CACNB2: variants seen among roughly 807,000 people sequenced by gnomAD.
CACNB2 encodes voltage-dependent L-type calcium channel subunit beta-2.
In CACNB2, 42 loss-of-function variants were observed where a neutral mutation model predicts 73.3. The observed-to-expected ratio is 0.57, with a 90% CI of 0.45 to 0.74. CACNB2 has a LOEUF of 0.74. CACNB2 is among the 30% of genes least tolerant of loss of function. The pLI is 0.00. For synonymous variants in CACNB2, 348 were observed against 310.3 expected (o/e 1.12, Z -1.28); for missense variants, 940 against 853.0 (o/e 1.10, Z -1.27).
chr10:18,463,360 T>TA (rs2047684181), intron 3 of CACNB2, among the ~76,000 whole-genome samples: 1 of 145,216 alleles, frequency 6.9e-6, no homozygotes, highest in African/African-American at 2.7e-5. Context: ...CTCTTATCTA[T>TA]TAAAAAAAAA....
In CACNB2 at chr10:18,396,381, T is replaced by A. The variant is rs570964301; in HGVS notation, c.214-5543T>A. 3.3e-5 allele frequency among the ~76,000 whole-genome samples: 5 copies of A among 152,300 alleles called. No individual in the cohort carries two copies. In the East Asian group the frequency reaches 9.6e-4, roughly 29 times the overall value. On this transcript the variant is annotated intron_variant, in intron 2 of 13. Coordinates refer to ENST00000324631, the MANE Select transcript of CACNB2 (RefSeq NM_201596.3). ...ACTGTGAAAAGAGATGACAACACCA[T>A]GAAAAATGAAAGAATTATCTCCCTT...
chr10:18,368,053 T>C (rs1270703628), intron 2 of CACNB2, among the ~76,000 whole-genome samples: 58 of 152,150 alleles, frequency 3.8e-4, no homozygotes, highest in Non-Finnish European at 2.9e-5. Context: ...CTTTTTGTCA[T>C]ATGGCCAGGA....
chr10:18,266,877 A>G (rs1043540320), intron 2 of CACNB2, among the ~76,000 whole-genome samples: 14 of 152,238 alleles, frequency 9.2e-5, no homozygotes, highest in African/African-American at 3.4e-4. Context: ...GAGACAGACG[A>G]GACTCTATCT....
chr10:18,303,595 C>T (rs1184280664), intron 2 of CACNB2, among the ~76,000 whole-genome samples: 2 of 152,174 alleles, frequency 1.3e-5, no homozygotes, highest in East Asian at 3.8e-4. Context: ...TTCATAAGAG[C>T]CAGTACTGAA....
At chr10:18,408,103 A>T (rs1042963031) in intron 3 of CACNB2, among the ~76,000 whole-genome samples, 13 of 152,292 alleles carry the variant, frequency 8.5e-5, no homozygotes, top group African/African-American at 2.6e-4. Flanking sequence ...AAACTGAGTT[A>T]TCCTGTAGGA....
intron 2 of CACNB2, among the ~76,000 whole-genome samples, chr10:18,395,782 A>G (rs1453633818): frequency 6.6e-6 from 1 of 152,210 alleles, no homozygotes; most frequent in Non-Finnish European, 1.5e-5. Context: ...ACACTCAGCT[A>G]AATGATAGGT....
Position 18,383,318 on chromosome 10 carries a change from C to T in CACNB2, c.214-18606C>T, listed in dbSNP as rs140718631. Among the ~76,000 whole-genome samples the T allele has an allele frequency of 3.3e-3, 508 of 152,266 alleles. 1 individual carries two copies. The highest frequency in any genetic ancestry group is 0.012 in the African/African-American group (487 of 41,550). On this transcript the variant is annotated intron_variant, in intron 2 of 13. Coordinates refer to ENST00000324631, the MANE Select transcript of CACNB2 (RefSeq NM_201596.3). Reference sequence around the variant, plus strand: ...CTAGATAGAGGAATGAAACGATCTGCTGTATGTCTGAAGATGAACCTGGCC... The same window carrying T: ...CTAGATAGAGGAATGAAACGATCTGTTGTATGTCTGAAGATGAACCTGGCC...
At chr10:18,424,977 G>T (rs12765367) in intron 3 of CACNB2, among the ~76,000 whole-genome samples, 2 of 152,114 alleles carry the variant, frequency 1.3e-5, no homozygotes, top group Admixed American at 1.3e-4. Flanking sequence ...ATTAGCAGTG[G>T]AATTGTAGGT....
At chr10:18,192,645 C>T (rs1482915232) in intron 2 of CACNB2, among the ~76,000 whole-genome samples, 2 of 152,130 alleles carry the variant, frequency 1.3e-5, no homozygotes, top group African/African-American at 4.8e-5. Context: ...TCTTCCTATC[C>T]TTCCCATCCC....
chr10:18,187,201 G>A (rs1191238522), intron 2 of CACNB2, among the ~76,000 whole-genome samples: 1 of 152,176 alleles, frequency 6.6e-6, no homozygotes, highest in Non-Finnish European at 1.5e-5. Flanking sequence ...GTGAGTCTGG[G>A]CAGCAGGAGT....
At chr10:18,300,641 G>A (rs965370864) in intron 2 of CACNB2, among the ~76,000 whole-genome samples, 4 of 152,128 alleles carry the variant, frequency 2.6e-5, no homozygotes, top group Non-Finnish European at 5.9e-5. Flanking sequence ...ACGAGGTCAG[G>A]AGTTCAAGAC....
chr10:18,455,596 TA>T (rs2047239386), intron 3 of CACNB2, among the ~76,000 whole-genome samples: 1 of 152,232 alleles, frequency 6.6e-6, no homozygotes, highest in African/African-American at 2.4e-5. Flanking sequence ...AAGGAGTTTT[TA>T]GTAATGGAAC....
intron 3 of CACNB2, among the ~76,000 whole-genome samples, chr10:18,472,967 C>T (rs541361730): frequency 1.1e-4 from 16 of 152,314 alleles, no homozygotes; most frequent in Non-Finnish European, 2.1e-4. Context: ...ATTTGAGCAT[C>T]GCTGCTGTAG....
chr10:18,484,263 G>A (rs910156636), intron 3 of CACNB2, among the ~76,000 whole-genome samples: 6 of 151,852 alleles, frequency 4.0e-5, no homozygotes, highest in South Asian at 2.1e-4. Flanking sequence ...GCGTGGTGGC[G>A]GGCGCCTATA....
In CACNB2 at chr10:18,530,082, C is replaced by T. The variant is rs145939034; in HGVS notation, c.1054+2385C>T. 7.9e-5 allele frequency among the ~76,000 whole-genome samples: 12 copies of T among 152,242 alleles called. No homozygotes were observed. The East Asian group carries it at 2.3e-3, about 29-fold the overall frequency. ...GACTCATTCACTATCAGGAGAACTA[C>T]ATGGGAAAGACCAAGTCCCATGATT... On this transcript the variant is annotated intron_variant, in intron 10 of 13. Transcript: ENST00000324631.
At chr10:18,209,249 G>A (rs1046650324) in intron 2 of CACNB2, among the ~76,000 whole-genome samples, 1 of 152,146 alleles carries the variant, frequency 6.6e-6, no homozygotes, top group South Asian at 2.1e-4. Context: ...ACAATGGTTT[G>A]ACGGCAACAT....
intron 9 of CACNB2, among the ~76,000 whole-genome samples, chr10:18,527,029 T>G (rs2052537602): frequency 6.6e-6 from 1 of 152,212 alleles, no homozygotes; most frequent in Non-Finnish European, 1.5e-5. Flanking sequence ...GTAATTCAAA[T>G]AAAGTGCTCA....
At chr10:18,460,349 T>C (rs1040512851) in intron 3 of CACNB2, among the ~76,000 whole-genome samples, 2 of 152,186 alleles carry the variant, frequency 1.3e-5, no homozygotes, top group African/African-American at 4.8e-5. Flanking sequence ...GGAGGTTTAG[T>C]AGGGATAAGT....
At chr10:18,199,072 AG>A (rs1280429329) in intron 2 of CACNB2, among the ~76,000 whole-genome samples, 1 of 152,186 alleles carries the variant, frequency 6.6e-6, no homozygotes, top group African/African-American at 2.4e-5. Flanking sequence ...GGTGCTAATA[AG>A]TATGTTGATA....
Sources: gnomAD v4.1 joint callset for allele counts (sites outside exome capture counted in the v4.1 genomes callset) on GRCh38, gnomAD v4.1.1 for gene constraint, MANE v1.5 for transcripts, NCBI Gene and HGNC (gene_info 2026-07-23, HGNC 2026-07-21) for gene names.